KIF6: variants seen among roughly 807,000 people sequenced by gnomAD.
KIF6 encodes the protein kinesin family member 6.
A neutral mutation model predicts 112.7 loss-of-function variants in KIF6; 106 were observed. The ratio of observed to expected loss-of-function variants is 0.94; its 90% CI spans 0.80 to 1.11. The LOEUF (loss-of-function observed/expected upper bound fraction) is 1.11. KIF6 is among the 50% of genes least tolerant of loss of function. The pLI is 0.00. For synonymous variants in KIF6, 339 were observed against 339.9 expected, an observed-to-expected ratio of 1.00 and a Z score of 0.03; for missense variants, 929 against 964.0, an observed-to-expected ratio of 0.96 and a Z score of 0.48.
At chr6:39,337,155 TTTTC>T (rs1157885640) in intron 22 of KIF6, among the ~76,000 whole-genome samples, 26 of 53,698 alleles carry the variant, frequency 4.8e-4, no homozygotes, top group Non-Finnish European at 7.0e-4. Flanking sequence ...TTTCTCTTTC[TTTTC>T]TTTCTTTCCT....
At chr6:39,434,696 A>C (rs1771407481) in intron 13 of KIF6, among the ~76,000 whole-genome samples, 1 of 152,024 alleles carries the variant, frequency 6.6e-6, no homozygotes, top group South Asian at 2.1e-4. Flanking sequence ...AGAGGGAGGG[A>C]GGGAGGCAGG....
intron 15 of KIF6, among the ~76,000 whole-genome samples, chr6:39,403,692 T>C (rs1182629093): frequency 1.3e-5 from 2 of 152,238 alleles, no homozygotes; most frequent in Admixed American, 6.5e-5. Context: ...GGTATGTCTG[T>C]TGAATTTTGT....
rs1763444586 is a variant in KIF6 at position 39,343,273 on chromosome 6, A to G, written c.2428+436T>C. 3 of 1,288,698 alleles carry G rather than the reference A, an allele frequency of 2.3e-6. No homozygotes were observed. Among genetic ancestry groups the G allele is most frequent in the African/African-American group, 3.0e-5 (2 of 65,940 alleles). The allele number at this position is 1,288,698 out of a possible 1,614,324, so 79.8% of individuals were successfully genotyped here. ...GGGCCTGGGCCTTCAAGCAGTGTTTACACTCACAGCTCTTTGGCAAGAACC... is the reference window on the plus strand; with the variant it reads ...GGGCCTGGGCCTTCAAGCAGTGTTTGCACTCACAGCTCTTTGGCAAGAACC... On this transcript the variant is annotated intron_variant, in intron 22 of 22. Coordinates refer to ENST00000287152, the MANE Select transcript of KIF6 (RefSeq NM_145027.6). This position sits in a 1 kb window ranked among gnomAD's most constrained non-coding sequence, Gnocchi z 4.1.
chr6:39,399,758 G>A (rs1278369392), intron 15 of KIF6, among the ~76,000 whole-genome samples: 1 of 152,226 alleles, frequency 6.6e-6, no homozygotes, highest in Admixed American at 6.5e-5. Flanking sequence ...ATGGGTCAAA[G>A]CCCTCCAAGA....
At chr6:39,500,764 G>A (rs1309506059) in intron 13 of KIF6, among the ~76,000 whole-genome samples, 1 of 152,106 alleles carries the variant, frequency 6.6e-6, no homozygotes, top group Non-Finnish European at 1.5e-5. Context: ...AGAAATGGGA[G>A]TTTGGAGTTC....
In KIF6 at chr6:39,394,811, TA is replaced by T. The variant is rs377693685; in HGVS notation, c.1811-9140del. Among the ~76,000 whole-genome samples the T allele has an allele frequency of 4.8e-3, 737 of 152,346 alleles. 8 individuals carry two copies. The highest frequency in any genetic ancestry group is 0.017 in the African/African-American group (696 of 41,580). ...ATGCTAAACATCACAGTTGATAACA[TA>T]ATCGAGTCACAGAGAGAGGGGGAAA... On this transcript the variant is annotated intron_variant, in intron 15 of 22. Transcript: ENST00000287152.
chr6:39,539,988 A>C lies in KIF6; in HGVS notation c.1645+15T>G. On this transcript the variant is annotated intron_variant, in intron 13 of 22. Transcript: ENST00000287152. ...TTACAGACAATGAGAAATACTGGAA[A>C]TTTAGTCAACTGACCTATTTTCTTG... 6.4e-7 allele frequency: 1 copy of C among 1,572,664 alleles called. No individual in the cohort carries two copies. The highest frequency in any genetic ancestry group is 8.6e-7 in the Non-Finnish European group (1 of 1,158,914).
At chr6:39,410,647 G>A (rs1438994689) in intron 15 of KIF6, among the ~76,000 whole-genome samples, 1 of 152,134 alleles carries the variant, frequency 6.6e-6, no homozygotes, top group African/African-American at 2.4e-5. Flanking sequence ...AAATAATAAT[G>A]TACTATAAAT....
chr6:39,615,388 A>G (rs1369338585), intron 5 of KIF6, among the ~76,000 whole-genome samples: 1 of 152,180 alleles, frequency 6.6e-6, no homozygotes, highest in African/African-American at 2.4e-5. Context: ...GGTGGTGCAT[A>G]CACTCATTGG....
At chr6:39,421,002 T>C (rs2150365664) in intron 14 of KIF6, among the ~76,000 whole-genome samples, 1 of 152,338 alleles carries the variant, frequency 6.6e-6, no homozygotes, top group South Asian at 2.1e-4. Context: ...TGTGAGAACA[T>C]GTAGTTCAGT....
At chr6:39,394,946 A>G (rs914350410) in intron 15 of KIF6, among the ~76,000 whole-genome samples, 5 of 152,214 alleles carry the variant, frequency 3.3e-5, no homozygotes, top group African/African-American at 1.2e-4. Flanking sequence ...CCTCGGCCCT[A>G]TCTTGTGGAG....
chr6:39,368,148 A>G (rs4714245), intron 16 of KIF6, among the ~76,000 whole-genome samples: 76,813 of 152,032 alleles, frequency 0.51, 19,834 homozygotes, highest in East Asian at 0.59. Flanking sequence ...CTGTGATAAA[A>G]GTAAATAGGG....
intron 15 of KIF6, among the ~76,000 whole-genome samples, chr6:39,392,746 A>G (rs530898666): frequency 6.6e-6 from 1 of 152,350 alleles, no homozygotes; most frequent in East Asian, 1.9e-4. Flanking sequence ...AGACATAAAA[A>G]TGGGGAAAGC....
At chr6:39,435,309 T>C (rs570491149) in intron 13 of KIF6, among the ~76,000 whole-genome samples, 1 of 152,372 alleles carries the variant, frequency 6.6e-6, no homozygotes, top group South Asian at 2.1e-4. Flanking sequence ...CTGCATAGTT[T>C]ACTTCATCTG....
At chr6:39,547,970 G>A (rs1779154318) in intron 10 of KIF6, among the ~76,000 whole-genome samples, 1 of 152,132 alleles carries the variant, frequency 6.6e-6, no homozygotes, top group Non-Finnish European at 1.5e-5. Context: ...TTAGCTACTT[G>A]TATTTTCCCT....
At chr6:39,702,404 C>T (rs302598) in intron 3 of KIF6, among the ~76,000 whole-genome samples, 8,536 of 152,206 alleles carry the variant, frequency 0.056, 783 homozygotes, top group African/African-American at 0.19. Context: ...TGGCTGCAGA[C>T]GACAGTGTCA....
rs1249437974 is a variant in KIF6 at position 39,540,603 on chromosome 6, C to A, written c.1427-382G>T. 1.3e-5 allele frequency among the ~76,000 whole-genome samples: 2 copies of A among 152,218 alleles called. 1 individual carries two copies. Among genetic ancestry groups the A allele is most frequent in the Non-Finnish European group, 2.9e-5 (2 of 68,026 alleles). ...CACATAGCCCATGTATATGTATCAGCCCCCTGGGCGAGCACGCGCCTGCTC... is the reference window on the plus strand; with the variant it reads ...CACATAGCCCATGTATATGTATCAGACCCCTGGGCGAGCACGCGCCTGCTC... On this transcript the variant is annotated intron_variant, in intron 12 of 22. Coordinates refer to ENST00000287152, the MANE Select transcript of KIF6 (RefSeq NM_145027.6).
chr6:39,364,488 C>T (rs951851983), intron 16 of KIF6, among the ~76,000 whole-genome samples: 1 of 152,116 alleles, frequency 6.6e-6, no homozygotes, highest in Admixed American at 6.5e-5. Context: ...GTTACTTTCC[C>T]ATTTATCTTA....
chr6:39,420,393 T>G (rs1259968306), intron 14 of KIF6, among the ~76,000 whole-genome samples: 3 of 152,178 alleles, frequency 2.0e-5, no homozygotes, highest in Non-Finnish European at 4.4e-5. Context: ...GATTATAAAA[T>G]AATATATCAG....
Sources: allele counts gnomAD v4.1 joint callset (sites outside exome capture counted in the v4.1 genomes callset), GRCh38; gene constraint gnomAD v4.1.1; non-coding constraint Gnocchi (gnomAD v3.1); transcripts MANE v1.5; gene names NCBI Gene and HGNC (gene_info 2026-07-23, HGNC 2026-07-21).